Variants in KIF3B observed in about 807,000 individuals in gnomAD.
KIF3B encodes kinesin-like protein KIF3B.
In KIF3B, 38 loss-of-function variants were observed where a neutral mutation model predicts 74.3. That is an observed-to-expected ratio of 0.51 (90% CI 0.39 to 0.67). KIF3B has a LOEUF of 0.67. KIF3B is among the 30% of genes least tolerant of loss of function. KIF3B has a pLI of 0.00. For synonymous variants in KIF3B, 326 were observed against 342.5 expected (o/e 0.95, Z 0.53); for missense variants, 649 against 932.0 (o/e 0.70, Z 3.95).
At chr20:32,316,911 T>G in intron 5 of KIF3B, 37 bp downstream of exon 5, 3 of 1,402,648 alleles carry the variant, frequency 2.1e-6, no homozygotes, top group Non-Finnish European at 1.0e-6. Flanking sequence ...CCCAAGCCAC[T>G]TGCTGAGTCA....
rs1243337460 is a variant in KIF3B, at chr20:32,310,886, A to T, written c.1109A>T (p.Glu370Val). The change falls in exon 2 of 9, where the codon GAA becomes GTA. Residue 370 changes from glutamate to valine, a missense_variant. Physicochemically the swap from Glu to Val is moderately radical, Grantham distance 121. Around this residue, in one of 4 missense-constraint regions of KIF3B, gnomAD observed 363 missense variants for 592.8 expected, o/e 0.61. Coordinates refer to ENST00000375712, the MANE Select transcript of KIF3B (RefSeq NM_004798.4). This position sits in a 1 kb window ranked among gnomAD's most constrained non-coding sequence, Gnocchi z 6.5. Reference protein sequence around the residue: ...EEIARLKAQLEKRSIGRRKRR... With the variant: ...EEIARLKAQLVKRSIGRRKRR... ...ATTGCTCGGCTCAAGGCCCAGCTGG[A>T]AAAACGGTCCATTGGTAGGAGGAAG... 1 of 1,613,910 alleles carries T rather than the reference A, an allele frequency of 6.2e-7. No individual in the cohort carries two copies. Among genetic ancestry groups the T allele is most frequent in the Non-Finnish European group, 8.5e-7 (1 of 1,179,980 alleles).
At chr20:32,308,380 C>A (rs1012954958) in intron 1 of KIF3B, among the ~76,000 whole-genome samples, 1 of 152,206 alleles carries the variant, frequency 6.6e-6, no homozygotes, top group Non-Finnish European at 1.5e-5. Context: ...CACATCACCA[C>A]CCCTGGCTAA....
At chr20:32,292,680 CGAG>C (rs916818581) in intron 1 of KIF3B, among the ~76,000 whole-genome samples, 25 of 151,314 alleles carry the variant, frequency 1.7e-4, no homozygotes, top group Admixed American at 1.6e-3. Context: ...ATTGCTTGAG[CGAG>C]GAGTTCGAGG....
chr20:32,333,220 G>A lies in KIF3B; in HGVS notation c.*1901G>A, dbSNP rs1377740905. On this transcript the variant is annotated 3_prime_UTR_variant, in exon 9 of 9. Transcript: ENST00000375712. ...GTTTGAATAAGAACAAAACGCTAAG[G>A]TGGGTAGCCTAAGCTGATTTTCTGC... 1 of 152,092 alleles carries A rather than the reference G, an allele frequency of 6.6e-6. No homozygotes were observed. The highest frequency in any genetic ancestry group is 1.5e-5 in the Non-Finnish European group (1 of 68,026). The allele number at this position is 152,092 out of a possible 1,614,324, so 9.4% of individuals were successfully genotyped here. A position where few individuals can be genotyped will look rare whatever the true frequency, so the allele number is the denominator to read the frequency against.
intron 1 of KIF3B, among the ~76,000 whole-genome samples, chr20:32,299,439 C>A (rs1488258511): frequency 1.6e-5 from 1 of 61,522 alleles, no homozygotes; most frequent in East Asian, 6.0e-4. Context: ...GAGACAGAGT[C>A]TTGCTTTATC....
In KIF3B at chr20:32,326,823, A is replaced by G; in HGVS notation, c.1801A>G (p.Asn601Asp). The G allele has an allele frequency of 6.3e-7, 1 of 1,595,208 alleles. No homozygotes were observed. The highest frequency in any genetic ancestry group is 8.6e-7 in the Non-Finnish European group (1 of 1,164,928). Reference protein sequence around the residue: ...IPLEEKSKIMNRAFFDEEEDH... With the variant: ...IPLEEKSKIMDRAFFDEEEDH... The stretch of plus-strand genomic sequence containing the variant: ...TCTGGAAGAAAAAAGTAAAATTATG[A>G]ATAGAGCCTTCTTTGATGAAGAGGA... The change falls in exon 6 of 9, where the codon AAT becomes GAT. Residue 601 changes from asparagine to aspartate, a missense_variant. Physicochemically the swap from Asn to Asp is conservative, Grantham distance 23. This residue lies in a region of KIF3B where 186 missense variants were observed against 198.5 expected (regional missense o/e 0.94). Coordinates refer to ENST00000375712, the MANE Select transcript of KIF3B (RefSeq NM_004798.4).
rs2047944314 is a variant in KIF3B, at chr20:32,334,140, C to G, written c.*2821C>G. On this transcript the variant is annotated 3_prime_UTR_variant, in exon 9 of 9. Coordinates refer to ENST00000375712, the MANE Select transcript of KIF3B (RefSeq NM_004798.4). ...GTCTAACAGGATCTAAGATGACCAT[C>G]AGGAGAAGGAGTTTGAGACTGTGTA... is the stretch of plus-strand genomic sequence containing the variant. The G allele has an allele frequency of 6.6e-6, 1 of 152,670 alleles. No individual in the cohort carries two copies. Among genetic ancestry groups the G allele is most frequent in the African/African-American group, 2.4e-5 (1 of 41,426 alleles). The allele number at this position is 152,670 out of a possible 1,614,324, so 9.5% of individuals were successfully genotyped here. A position where few individuals can be genotyped will look rare whatever the true frequency, so the allele number is the denominator to read the frequency against.
chr20:32,316,090 A>AT, intron 2 of KIF3B, 128 bp from the exon 3 acceptor site: 2 of 669,426 alleles, frequency 3.0e-6, no homozygotes, highest in Middle Eastern at 2.6e-4. Flanking sequence ...AGCACAGTGT[A>AT]TTTTTTCCCA....
Position 32,310,950 on chromosome 20 carries a change from G to A in KIF3B, c.1173G>A (p.Gly391=). The change falls in exon 2 of 9, where the codon GGG becomes GGA. Residue 391 remains glycine, a synonymous_variant. Transcript: ENST00000375712. This position sits in a 1 kb window ranked among gnomAD's most constrained non-coding sequence, Gnocchi z 6.5. The part of the protein sequence containing the change: ...EKRREGGGSG[G]GGEEEEEEGE... ...GGAGGGAAGGTGGTGGCAGTGGTGGGGGTGGGGAAGAGGAGGAGGAGGAGG... is the reference window on the plus strand; with the variant it reads ...GGAGGGAAGGTGGTGGCAGTGGTGGAGGTGGGGAAGAGGAGGAGGAGGAGG... 1 of 1,613,018 alleles carries A rather than the reference G, an allele frequency of 6.2e-7. No homozygotes were observed.
intron 1 of KIF3B, among the ~76,000 whole-genome samples, chr20:32,278,705 C>G (rs753391494): frequency 6.6e-6 from 1 of 152,062 alleles, no homozygotes; most frequent in Non-Finnish European, 1.5e-5. Context: ...CTTCGTTGAC[C>G]CTTCCAGAAG....
chr20:32,314,919 C>T (rs902377073), intron 2 of KIF3B, among the ~76,000 whole-genome samples: 8 of 152,208 alleles, frequency 5.3e-5, no homozygotes, highest in Admixed American at 2.6e-4. Context: ...AGAGCCTGCT[C>T]TTGCCTTCCT....
chr20:32,293,469 G>A (rs1265043031), intron 1 of KIF3B, among the ~76,000 whole-genome samples: 1 of 151,834 alleles, frequency 6.6e-6, no homozygotes, highest in African/African-American at 2.4e-5. Context: ...ACAAAATTAG[G>A]TTTGGTGGCA....
At chr20:32,299,404 T>TATATATATATATATATATATG (rs1555895045) in intron 1 of KIF3B, among the ~76,000 whole-genome samples, 1 of 31,342 alleles carries the variant, frequency 3.2e-5, no homozygotes, top group Non-Finnish European at 5.3e-5. Flanking sequence ...TATATATATA[T>TATATATATATATATATATATG]TTTTTTTTTT....
Position 32,310,389 on chromosome 20 carries a change from T to C in KIF3B, c.612T>C (p.Gly204=), listed in dbSNP as rs1207954985. 6.2e-7 allele frequency: 1 copy of C among 1,614,100 alleles called. No individual in the cohort carries two copies. Among genetic ancestry groups the C allele is most frequent in the African/African-American group, 1.3e-5 (1 of 74,948 alleles). The change falls in exon 2 of 9, where the codon GGT becomes GGC. Residue 204 remains glycine, a synonymous_variant. Coordinates refer to ENST00000375712, the MANE Select transcript of KIF3B (RefSeq NM_004798.4). The surrounding 1 kb of genome is among the most constrained non-coding windows in gnomAD (Gnocchi z 6.5). ...TGGGGAACCAGAACCGTTCTGTCGGTGCTACCAACATGAACGAGCACAGCT... is the reference window on the plus strand; with the variant it reads ...TGGGGAACCAGAACCGTTCTGTCGGCGCTACCAACATGAACGAGCACAGCT... ...MNVGNQNRSV[G]ATNMNEHSSR...
intron 1 of KIF3B, among the ~76,000 whole-genome samples, chr20:32,294,074 G>A (rs1360521782): frequency 2.0e-5 from 3 of 152,068 alleles, no homozygotes. Context: ...TTAAGCTCTT[G>A]GTATACTGTG....
chr20:32,299,429 G>T (rs1277540624), intron 1 of KIF3B, among the ~76,000 whole-genome samples: 10 of 14,404 alleles, frequency 6.9e-4, no homozygotes, highest in African/African-American at 2.8e-3. Context: ...TTTTTTTTTT[G>T]AGACAGAGTC....
chr20:32,291,170 A>G (rs964252309), intron 1 of KIF3B, among the ~76,000 whole-genome samples: 14 of 152,226 alleles, frequency 9.2e-5, no homozygotes, highest in Non-Finnish European at 1.8e-4. Context: ...AAAGTTCTAG[A>G]AATGTGTTAT....
chr20:32,327,331 A>T (rs2047908615), intron 6 of KIF3B, among the ~76,000 whole-genome samples: 1 of 152,076 alleles, frequency 6.6e-6, no homozygotes, highest in Non-Finnish European at 1.5e-5. Context: ...ATGCTTTGTG[A>T]ATGCTGTCTA....
intron 5 of KIF3B, among the ~76,000 whole-genome samples, chr20:32,321,585 G>A (rs1000318471): frequency 1.3e-5 from 2 of 152,158 alleles, no homozygotes; most frequent in African/African-American, 4.8e-5. Flanking sequence ...ATCAGGAAGT[G>A]TGAGTCCTCC....
Sources: allele counts gnomAD v4.1 joint callset (sites outside exome capture counted in the v4.1 genomes callset), GRCh38; gene constraint gnomAD v4.1.1; regional missense constraint gnomAD v4.1.1; non-coding constraint Gnocchi (gnomAD v3.1); transcripts MANE v1.5; gene names NCBI Gene and HGNC (gene_info 2026-07-23, HGNC 2026-07-21).